TCF4: variants seen among roughly 807,000 people sequenced by gnomAD.
TCF4 encodes SL3-3 enhancer factor 2.
TCF4 carries 3 observed loss-of-function variants against 82.1 expected under a neutral mutation model. The ratio of observed to expected loss-of-function variants is 0.04; its 90% CI spans 0.02 to 0.09. The LOEUF is 0.09. Among genes scored for constraint, TCF4 ranks in the 10% least tolerant of loss-of-function variants. The pLI, the probability that TCF4 is intolerant of heterozygous loss-of-function variation, is 1.00. For synonymous variants in TCF4, 276 were observed against 309.6 expected (o/e 0.89, Z 1.14); for missense variants, 518 against 852.7 (o/e 0.61, Z 4.89).
chr18:55,492,767 C>T (rs951347669), intron 3 of TCF4, among the ~76,000 whole-genome samples: 13 of 152,272 alleles, frequency 8.5e-5, no homozygotes, highest in African/African-American at 2.2e-4. Context: ...TGAGGGGGCA[C>T]GAATGCCCCA....
At chr18:55,511,773 C>G (rs1017774187) in intron 3 of TCF4, among the ~76,000 whole-genome samples, 1 of 152,062 alleles carries the variant, frequency 6.6e-6, no homozygotes, top group African/African-American at 2.4e-5. Flanking sequence ...AAATTATACA[C>G]AGTGACAATT....
intron 8 of TCF4, among the ~76,000 whole-genome samples, chr18:55,332,486 C>T (rs1466304800): frequency 6.6e-6 from 1 of 152,120 alleles, no homozygotes. Context: ...ATTTAGGATG[C>T]ACTTGCTATC....
Position 55,587,085 on chromosome 18 carries a change from C to T in TCF4, c.32G>A (p.Gly11Glu), listed in dbSNP as rs752282490. MHHQQRMAAL[G>E]TDKELSDLLD... The stretch of plus-strand genomic sequence containing the variant: ...TAAATCACTCAGCTCTTTGTCCGTC[C>T]CTAAGGCAGCCATTCGCTGTTGGTG... Residue 11 changes from glycine (G) to glutamate (E), a missense_variant, in exon 2 of 20, where the codon GGG (glycine) becomes GAG (glutamate). This residue lies in a region of TCF4 where 19 missense variants were observed against 54.5 expected (regional missense o/e 0.35). Coordinates refer to ENST00000354452, the MANE Select transcript of TCF4 (RefSeq NM_001083962.2). The T allele has an allele frequency of 1.9e-6, 3 of 1,613,412 alleles. No homozygotes were observed. Among genetic ancestry groups the T allele is most frequent in the Non-Finnish European group, 2.5e-6 (3 of 1,179,928 alleles).
At chr18:55,444,463 A>C (rs977576158) in intron 5 of TCF4, among the ~76,000 whole-genome samples, 3 of 152,194 alleles carry the variant, frequency 2.0e-5, no homozygotes, top group Admixed American at 1.3e-4. Context: ...ATGTTCTACA[A>C]TGTGTTGAAA....
intron 3 of TCF4, among the ~76,000 whole-genome samples, chr18:55,563,000 G>C (rs965815124): frequency 6.6e-6 from 1 of 152,092 alleles, no homozygotes; most frequent in African/African-American, 2.4e-5. Context: ...AACACTTTGG[G>C]AGGCCGAGGC....
chr18:55,356,121 C>A (rs1273927954), intron 6 of TCF4, among the ~76,000 whole-genome samples: 1 of 152,074 alleles, frequency 6.6e-6, no homozygotes, highest in Non-Finnish European at 1.5e-5. Context: ...GAGCCAGGGT[C>A]CAGCACAGAG....
At chr18:55,298,515 A>G (rs926931868) in intron 8 of TCF4, among the ~76,000 whole-genome samples, 7 of 151,240 alleles carry the variant, frequency 4.6e-5, no homozygotes, top group East Asian at 1.9e-4. Context: ...ATGTTTTTAG[A>G]AAAAAACCCC....
At chr18:55,604,830 T>G (rs2097700780) in intron 2 of TCF4, among the ~76,000 whole-genome samples, 1 of 152,126 alleles carries the variant, frequency 6.6e-6, no homozygotes, top group Non-Finnish European at 1.5e-5. Flanking sequence ...CTACGACTTT[T>G]CCAGTAGAGC....
intron 8 of TCF4, among the ~76,000 whole-genome samples, chr18:55,327,006 A>G (rs1336656484): frequency 6.6e-6 from 1 of 152,176 alleles, no homozygotes; most frequent in African/African-American, 2.4e-5. Context: ...ACAGACACAC[A>G]CACACAGAAT....
At chr18:55,472,910 G>C (rs1352745860) in intron 3 of TCF4, among the ~76,000 whole-genome samples, 2 of 152,140 alleles carry the variant, frequency 1.3e-5, no homozygotes, top group Admixed American at 6.5e-5. Flanking sequence ...ATAAAAGGTA[G>C]ATACTTTAGA....
chr18:55,295,946 T>A (rs2066389685), intron 8 of TCF4, among the ~76,000 whole-genome samples: 1 of 152,148 alleles, frequency 6.6e-6, no homozygotes, highest in Admixed American at 6.6e-5. Flanking sequence ...TCAGTCTAGG[T>A]TTTAATAGTC....
At chr18:55,258,133 C>T (rs963879390) in intron 13 of TCF4, among the ~76,000 whole-genome samples, 5 of 151,990 alleles carry the variant, frequency 3.3e-5, no homozygotes, top group East Asian at 1.9e-4. Flanking sequence ...TCTCATGCCC[C>T]GACACTGTTA....
intron 5 of TCF4, among the ~76,000 whole-genome samples, chr18:55,438,596 G>A (rs1027612949): frequency 6.9e-4 from 105 of 152,318 alleles, no homozygotes; most frequent in African/African-American, 2.3e-3. Context: ...AAGGGACCAC[G>A]GGAGTCTGTT....
intron 2 of TCF4, among the ~76,000 whole-genome samples, chr18:55,606,423 A>C (rs1386833352): frequency 6.6e-6 from 1 of 152,222 alleles, no homozygotes; most frequent in Non-Finnish European, 1.5e-5. Context: ...CCTAATTCAC[A>C]GCCCAGAACC....
Position 55,635,702 on chromosome 18 carries a change from C to A in TCF4, c.195+1G>T. ...AAAGTAGCCCAAATGCTGGTTCCTACCTCCAAGGGCCTCCTGGAGAAGCTC... is the reference window on the plus strand; with the variant it reads ...AAAGTAGCCCAAATGCTGGTTCCTAACTCCAAGGGCCTCCTGGAGAAGCTC... On this transcript the variant is annotated splice_donor_variant, in intron 1 of 20. Transcript: ENST00000398339. LOFTEE classifies it high-confidence loss of function. 6.5e-7 allele frequency: 1 copy of A among 1,547,370 alleles called. No individual in the cohort carries two copies. Among genetic ancestry groups the A allele is most frequent in the South Asian group, 1.2e-5 (1 of 83,510 alleles).
At position 55,224,910 on chromosome 18, in the gene TCF4, A is replaced by T. The variant is rs1261994744; in HGVS notation, c.*3125T>A. 1 of 152,474 alleles carries T rather than the reference A, an allele frequency of 6.6e-6. No individual in the cohort carries two copies. Among genetic ancestry groups the T allele is most frequent in the Non-Finnish European group, 1.5e-5 (1 of 68,020 alleles). 9.4% of individuals were successfully genotyped at this position (152,474 alleles called of 1,614,324 possible). The stretch of plus-strand genomic sequence containing the variant: ...AGATCCCCAGCCTAAGTGTCGTCAT[A>T]CAGATAGCGTAGTATGGACCCTTTT... On this transcript the variant is annotated 3_prime_UTR_variant, in exon 20 of 20. Coordinates refer to ENST00000354452, the MANE Select transcript of TCF4 (RefSeq NM_001083962.2).
At chr18:55,627,775 A>C (rs1183039859) in intron 2 of TCF4, among the ~76,000 whole-genome samples, 1 of 140,068 alleles carries the variant, frequency 7.1e-6, no homozygotes, top group Non-Finnish European at 1.5e-5. Context: ...AAAAAACAAA[A>C]CAAGGCCGGG....
chr18:55,547,595 T>C (rs2147077166), intron 3 of TCF4, among the ~76,000 whole-genome samples: 1 of 152,294 alleles, frequency 6.6e-6, no homozygotes, highest in Non-Finnish European at 1.5e-5. Flanking sequence ...AGTCAATAAA[T>C]AAACAGGTGC....
At chr18:55,554,387 TATTAA>T (rs2097286473) in intron 3 of TCF4, among the ~76,000 whole-genome samples, 5 of 152,112 alleles carry the variant, frequency 3.3e-5, no homozygotes, top group Admixed American at 2.0e-4. Context: ...ACACTAGTTT[TATTAA>T]TAAGGGTACA....
Sources: gnomAD v4.1 joint callset for allele counts (sites outside exome capture counted in the v4.1 genomes callset) on GRCh38, gnomAD v4.1.1 for gene constraint, gnomAD v4.1.1 regional missense constraint, MANE v1.5 for transcripts, NCBI Gene and HGNC (gene_info 2026-07-23, HGNC 2026-07-21) for gene names.